The following FOCAD variants were observed in gnomAD, a reference collection of about 807,000 sequenced individuals.
The protein encoded by FOCAD is focadhesin.
A neutral mutation model predicts 225.6 loss-of-function variants in FOCAD; 198 were observed. The ratio of observed to expected loss-of-function variants is 0.88; its 90% confidence interval spans 0.78 to 0.99. The LOEUF (loss-of-function observed/expected upper bound fraction) is 0.99. FOCAD is among the 50% of genes least tolerant of loss of function. The pLI, the probability that FOCAD is intolerant of heterozygous loss-of-function variation, is 0.00. For synonymous variants in FOCAD, 897 were observed against 755.0 expected (o/e 1.19, Z -3.08); for missense variants, 2,713 against 2,123.6 (o/e 1.28, Z -5.46).
At chr9:20,918,674 A>T (rs2132102089) in intron 24 of FOCAD, among the ~76,000 whole-genome samples, 1 of 151,982 alleles carries the variant, frequency 6.6e-6, no homozygotes, top group South Asian at 2.1e-4. Context: ...CAGTGAGCAG[A>T]GATCCCGCCA....
chr9:20,952,366 C>G (rs951588892), intron 34 of FOCAD: 1 of 152,188 alleles, frequency 6.6e-6, no homozygotes, highest in Admixed American at 6.5e-5. Context: ...TAAAAACCAT[C>G]TCATGAAACA....
At chr9:20,870,378 A>G (rs1042734903) in intron 18 of FOCAD, among the ~76,000 whole-genome samples, 1 of 152,180 alleles carries the variant, frequency 6.6e-6, no homozygotes, top group South Asian at 2.1e-4. Flanking sequence ...TTGGATTTCC[A>G]TAGGTTACAG....
In FOCAD at chr9:20,981,645, G is replaced by C; in HGVS notation, c.4597G>C (p.Ala1533Pro). The part of the protein sequence containing the change: ...AHHLWSLLSE[A>P]TGKIFDLLPN... The stretch of plus-strand genomic sequence containing the variant: ...CCACCTCTGGAGTCTGCTCTCTGAA[G>C]CTACTGGGAAAATTTTTGACCTCCT... The change falls in exon 38 of 44, where the codon GCT becomes CCT. Residue 1533 changes from alanine (A) to proline (P), a missense_variant. By Grantham distance (27) the Ala-to-Pro change is conservative. Transcript: ENST00000338382. The C allele has an allele frequency of 6.2e-7, 1 of 1,612,334 alleles. No individual in the cohort carries two copies. Among genetic ancestry groups the C allele is most frequent in the Non-Finnish European group, 8.5e-7 (1 of 1,179,322 alleles).
At chr9:20,669,544 G>A (rs567865369) in intron 2 of FOCAD, among the ~76,000 whole-genome samples, 1 of 152,202 alleles carries the variant, frequency 6.6e-6, no homozygotes, top group Non-Finnish European at 1.5e-5. Context: ...GGAGGCCGAG[G>A]CGGGCAGATC....
intron 7 of FOCAD, among the ~76,000 whole-genome samples, chr9:20,767,548 T>C (rs929481919): frequency 6.6e-6 from 1 of 151,656 alleles, no homozygotes. Flanking sequence ...CTCATTGTGG[T>C]TTTGATTTGC....
intron 10 of FOCAD, among the ~76,000 whole-genome samples, chr9:20,785,669 A>G (rs1027753017): frequency 6.6e-6 from 1 of 152,150 alleles, no homozygotes; most frequent in Non-Finnish European, 1.5e-5. Context: ...TTGTTGACGA[A>G]CTTTTGGCTC....
At chr9:20,948,721 T>C (rs1837416778) in intron 31 of FOCAD, 130 bp from the exon 32 acceptor site, 3 of 955,074 alleles carry the variant, frequency 3.1e-6, no homozygotes, top group Admixed American at 2.2e-5. Context: ...GGTTCAGTTA[T>C]ACAGGTTACG....
intron 1 of FOCAD, among the ~76,000 whole-genome samples, chr9:20,708,748 C>A (rs1374073301): frequency 7.1e-6 from 1 of 141,756 alleles, no homozygotes; most frequent in Non-Finnish European, 1.5e-5. Flanking sequence ...TGTACTCCAG[C>A]TTGAGTGACA....
At chr9:20,758,236 G>A (rs778966586) in intron 6 of FOCAD, 45 bp downstream of exon 6, 1 of 1,364,880 alleles carries the variant, frequency 7.3e-7, no homozygotes, top group Non-Finnish European at 1.0e-6. Context: ...GAGACAGAAT[G>A]GTATATGCTA....
chr9:20,995,425 T>C, intron 43 of FOCAD, 131 bp from the exon 44 acceptor site: 2 of 510,698 alleles, frequency 3.9e-6, no homozygotes, highest in Non-Finnish European at 6.8e-6. Context: ...ATTAAAATCC[T>C]GCCAAAATAT....
chr9:20,905,129 T>C (rs533134298), intron 21 of FOCAD, among the ~76,000 whole-genome samples: 15 of 151,972 alleles, frequency 9.9e-5, no homozygotes, highest in Non-Finnish European at 1.6e-4. Context: ...GCTGACTCCA[T>C]AGAACACTAA....
At chr9:20,850,652 T>C (rs1827555116) in intron 15 of FOCAD, among the ~76,000 whole-genome samples, 1 of 151,732 alleles carries the variant, frequency 6.6e-6, no homozygotes, top group African/African-American at 2.4e-5. Flanking sequence ...ACTCCTACCT[T>C]CAGTTATGCT....
rs541931651 is a variant in FOCAD at position 20,927,367 on chromosome 9, C to T, written c.3078+950C>T. Among the ~76,000 whole-genome samples, 8 of 152,224 alleles carry T rather than the reference C, an allele frequency of 5.3e-5. No individual in the cohort carries two copies. In the South Asian group the frequency reaches 1.4e-3, roughly 28 times the overall value. ...CTTCTTGTTTTTGTGACTGTTGACA[C>T]TTACTTCATCATTCTTATTTTTCTT... On this transcript the variant is annotated intron_variant, in intron 26 of 43. Transcript: ENST00000338382.
chr9:20,713,244 G>A (rs1825016831), intron 1 of FOCAD, among the ~76,000 whole-genome samples: 2 of 152,146 alleles, frequency 1.3e-5, no homozygotes, highest in South Asian at 4.1e-4. Flanking sequence ...TTGATCCTTT[G>A]ACCTGATTTA....
In FOCAD at chr9:20,821,064, A is replaced by C; in HGVS notation, c.1786A>C (p.Lys596Gln). 1.9e-6 allele frequency: 3 copies of C among 1,612,254 alleles called. No homozygotes were observed. The highest frequency in any genetic ancestry group is 2.5e-6 in the Non-Finnish European group (3 of 1,178,850). ...AKAASIRDIC[K>Q]QRPYQHGADM... ...AGCAGCATCAATCAGAGATATATGT[A>C]AGCAGAGGTATGATGTCATTAACTC... The change falls in exon 14 of 44, where the codon AAG (lysine) becomes CAG (glutamine). Residue 596 changes from lysine to glutamine, a missense_variant. Coordinates refer to ENST00000338382, the MANE Select transcript of FOCAD (RefSeq NM_001375567.1).
intron 21 of FOCAD, among the ~76,000 whole-genome samples, chr9:20,903,397 G>A (rs1051257727): frequency 4.0e-5 from 6 of 151,788 alleles, no homozygotes; most frequent in Admixed American, 6.6e-5. Flanking sequence ...TGTTGACGTC[G>A]CGTCTGAGTA....
chr9:20,877,111 A>G (rs899732905), intron 19 of FOCAD, among the ~76,000 whole-genome samples: 3 of 152,122 alleles, frequency 2.0e-5, no homozygotes, highest in Non-Finnish European at 2.9e-5. Flanking sequence ...TGACATTGGC[A>G]CAATATTACT....
intron 21 of FOCAD, among the ~76,000 whole-genome samples, chr9:20,892,853 AC>A (rs1405364297): frequency 6.6e-6 from 1 of 152,156 alleles, no homozygotes; most frequent in Non-Finnish European, 1.5e-5. Flanking sequence ...AATGGAGCAA[AC>A]TTCATTGTTA....
intron 3 of FOCAD, 83 bp downstream of exon 3, chr9:20,717,951 T>C: frequency 9.5e-7 from 1 of 1,052,800 alleles, no homozygotes; most frequent in Admixed American, 1.9e-5. Context: ...CTTGTTTCCC[T>C]GATAGTTCAG....
Sources: allele counts gnomAD v4.1 joint callset (sites outside exome capture counted in the v4.1 genomes callset), GRCh38; gene constraint gnomAD v4.1.1; transcripts MANE v1.5; gene names NCBI Gene and HGNC (gene_info 2026-07-23, HGNC 2026-07-21).